Variants in CCM2 observed in about 807,000 individuals in gnomAD.
The protein encoded by CCM2 is CCM2 scaffold protein.
In CCM2, 25 loss-of-function variants were observed where a neutral mutation model predicts 44.9. The ratio of observed to expected loss-of-function variants is 0.56; its 90% CI spans 0.41 to 0.78. CCM2 has a LOEUF of 0.78. Among genes scored for constraint, CCM2 ranks in the 30% least tolerant of loss-of-function variants. The pLI, the probability that CCM2 is intolerant of heterozygous loss-of-function variation, is 0.00. For missense variants in CCM2, 481 were observed against 580.6 expected (o/e 0.83, Z 1.76); for synonymous variants, 219 against 241.1 (o/e 0.91, Z 0.85).
At chr7:45,017,410 C>G (rs557492503) in intron 1 of CCM2, among the ~76,000 whole-genome samples, 16 of 152,338 alleles carry the variant, frequency 1.1e-4, no homozygotes, top group African/African-American at 3.6e-4. Context: ...TATACAGTCA[C>G]AGCTATAGTT....
At chr7:45,041,938 A>G (rs1797523610) in intron 2 of CCM2, among the ~76,000 whole-genome samples, 1 of 152,174 alleles carries the variant, frequency 6.6e-6, no homozygotes, top group Admixed American at 6.5e-5. Flanking sequence ...CCCTCCACGC[A>G]GGAGGCCAAG....
At chr7:45,037,016 G>T (rs559174327) in intron 1 of CCM2, among the ~76,000 whole-genome samples, 1 of 152,100 alleles carries the variant, frequency 6.6e-6, no homozygotes, top group South Asian at 2.1e-4. Flanking sequence ...CACGGCTCTG[G>T]TTTTTGCAGG....
intron 2 of CCM2, among the ~76,000 whole-genome samples, chr7:45,054,263 G>T (rs953433760): frequency 1.3e-5 from 2 of 152,022 alleles, no homozygotes; most frequent in African/African-American, 2.4e-5. Context: ...AGGAGTGTGT[G>T]GGGGGCTTCT....
chr7:45,037,522 A>G (rs1339842480), intron 1 of CCM2, among the ~76,000 whole-genome samples: 2 of 150,492 alleles, frequency 1.3e-5, no homozygotes, highest in East Asian at 3.9e-4. Context: ...GGTTCAAGCA[A>G]TTCTCCTGCC....
At chr7:45,010,838 T>TA (rs1239374135) in intron 1 of CCM2, among the ~76,000 whole-genome samples, 1 of 152,172 alleles carries the variant, frequency 6.6e-6, no homozygotes, top group African/African-American at 2.4e-5. Context: ...CCTCAGGTGA[T>TA]ACACTTGCCA....
intron 3 of CCM2, among the ~76,000 whole-genome samples, 184 bp downstream of exon 3, chr7:45,064,185 A>G (rs879671143): frequency 3.3e-5 from 5 of 152,184 alleles, no homozygotes; most frequent in African/African-American, 1.2e-4. Flanking sequence ...CACTTGCTCC[A>G]TGTGATTTTG....
chr7:45,022,445 T>C (rs1231500879), intron 1 of CCM2, among the ~76,000 whole-genome samples: 1 of 151,374 alleles, frequency 6.6e-6, no homozygotes, highest in Non-Finnish European at 1.5e-5. Flanking sequence ...TAGCTGGGAC[T>C]ACAGGCGCCC....
At chr7:45,065,764 C>G (rs1798742345) in intron 4 of CCM2, among the ~76,000 whole-genome samples, 1 of 151,070 alleles carries the variant, frequency 6.6e-6, no homozygotes, top group African/African-American at 2.4e-5. Context: ...TGCGTACACC[C>G]TCCCCAACGC....
rs904473908 is a variant in CCM2 at position 45,075,805 on chromosome 7, C to T, written c.1083C>T (p.Asp361=). The T allele has an allele frequency of 1.2e-6, 2 of 1,613,762 alleles. No homozygotes were observed. Among genetic ancestry groups the T allele is most frequent in the Non-Finnish European group, 1.7e-6 (2 of 1,180,028 alleles). ...TGAGGCCCTTCATCCCTGAGAAGGA[C>T]AGCCAGCACTTCGAGAACTTCCTGG... ...LGLRPFIPEK[D]SQHFENFLET... is the part of the protein sequence containing the mutation. The change falls in exon 10 of 10, where the codon GAC becomes GAT. Residue 361 remains aspartate, a synonymous_variant. Coordinates refer to ENST00000258781, the MANE Select transcript of CCM2 (RefSeq NM_031443.4).
In CCM2 at chr7:45,054,715, A is replaced by G. The variant is rs897851538; in HGVS notation, c.205-9203A>G. Among the ~76,000 whole-genome samples the G allele has an allele frequency of 5.3e-5, 8 of 152,142 alleles. No individual in the cohort carries two copies. In the South Asian group the frequency reaches 8.3e-4, roughly 16 times the overall value. The stretch of plus-strand genomic sequence containing the variant: ...ATGGAGCTGATGGCTGGCTGGTCAG[A>G]TGTCCCCTTGCTCTCTCACTGCTTC... On this transcript the variant is annotated intron_variant, in intron 2 of 9. Coordinates refer to ENST00000258781, the MANE Select transcript of CCM2 (RefSeq NM_031443.4).
intron 1 of CCM2, 102 bp downstream of exon 1, chr7:45,000,465 G>GGC (rs1260050694): frequency 1.5e-5 from 1 of 65,862 alleles, no homozygotes; most frequent in Non-Finnish European, 3.0e-5. Flanking sequence ...GGGGGGGGGG[G>GGC]CAGTGGGCCA....
At chr7:45,068,654 A>C (rs1272029460) in intron 5 of CCM2, 75 bp downstream of exon 5, 1 of 1,591,114 alleles carries the variant, frequency 6.3e-7, no homozygotes, top group South Asian at 1.1e-5. Flanking sequence ...CACCCTGGCC[A>C]CACCCAGCAC....
At chr7:45,048,424 T>C (rs1201387068) in intron 2 of CCM2, among the ~76,000 whole-genome samples, 1 of 152,244 alleles carries the variant, frequency 6.6e-6, no homozygotes, top group Non-Finnish European at 1.5e-5. Flanking sequence ...AGCTTCTGTT[T>C]TGGAATGCTT....
chr7:45,068,743 C>T (rs1798909705), intron 5 of CCM2, among the ~76,000 whole-genome samples, 164 bp downstream of exon 5: 1 of 152,134 alleles, frequency 6.6e-6, no homozygotes, highest in African/African-American at 2.4e-5. Context: ...TCCACCCAGC[C>T]CCACCTCTCT....
At chr7:45,006,598 C>G (rs1264874341) in intron 1 of CCM2, among the ~76,000 whole-genome samples, 2 of 152,158 alleles carry the variant, frequency 1.3e-5, no homozygotes, top group Admixed American at 1.3e-4. Context: ...CCCACCTCGG[C>G]CTCCCAAAGT....
At chr7:45,057,149 G>A (rs190603944) in intron 2 of CCM2, among the ~76,000 whole-genome samples, 1 of 151,926 alleles carries the variant, frequency 6.6e-6, no homozygotes, top group East Asian at 1.9e-4. Context: ...TCTTTCTTGG[G>A]CTCTCTTTTT....
rs571858066 is a variant in CCM2 at position 45,076,418 on chromosome 7, C to T, written c.*361C>T. The T allele has an allele frequency of 6.9e-4, 288 of 415,280 alleles. 4 individuals carry two copies. Among genetic ancestry groups the T allele is most frequent in the South Asian group, 5.4e-3 (274 of 50,896 alleles). 25.7% of individuals were successfully genotyped at this position (415,280 alleles called of 1,614,324 possible). ...TGTTCCTATTGTAACTCTCAGAGAC[C>T]TTAAAAAGAAGTTTACTGCAATGTG... On this transcript the variant is annotated 3_prime_UTR_variant, in exon 10 of 10. Coordinates refer to ENST00000258781, the MANE Select transcript of CCM2 (RefSeq NM_031443.4).
chr7:45,059,220 G>T (rs995652898), intron 2 of CCM2, among the ~76,000 whole-genome samples: 14 of 151,948 alleles, frequency 9.2e-5, no homozygotes, highest in Non-Finnish European at 1.5e-4. Flanking sequence ...TGCACACCTG[G>T]GATAAATCCT....
intron 1 of CCM2, among the ~76,000 whole-genome samples, chr7:45,011,632 A>G (rs1029714643): frequency 1.5e-4 from 23 of 151,120 alleles, no homozygotes; most frequent in African/African-American, 5.4e-4. Context: ...GCTCACTGCA[A>G]CCTCTGCCTC....
Sources: allele counts gnomAD v4.1 joint callset (sites outside exome capture counted in the v4.1 genomes callset), GRCh38; gene constraint gnomAD v4.1.1; transcripts MANE v1.5; gene names NCBI Gene and HGNC (gene_info 2026-07-23, HGNC 2026-07-21).